The following LIMA1 variants were observed in gnomAD, a reference collection of about 807,000 sequenced individuals.
The protein encoded by LIMA1 is LIM domain and actin binding 1, also known as LIM domain and actin-binding protein 1.
Under a neutral mutation model 62.6 loss-of-function variants are expected in LIMA1, and 52 were observed. The ratio of observed to expected loss-of-function variants is 0.83; its 90% CI spans 0.67 to 1.05. The LOEUF is 1.05. Among genes scored for constraint, LIMA1 ranks in the 50% least tolerant of loss-of-function variants. The pLI is 0.00. For synonymous variants in LIMA1, 302 were observed against 317.8 expected (o/e 0.95, Z 0.53); for missense variants, 780 against 902.2 (o/e 0.86, Z 1.74).
chr12:50,210,135 A>C (rs1438089555), intron 4 of LIMA1, among the ~76,000 whole-genome samples: 1 of 152,152 alleles, frequency 6.6e-6, no homozygotes, highest in African/African-American at 2.4e-5. Flanking sequence ...TTGAAAAACC[A>C]AAAGGGGCCG....
At position 50,177,684 on chromosome 12, in the gene LIMA1, G is replaced by C. The variant is rs186777719; in HGVS notation, c.1660C>G (p.Pro554Ala). ...ALEEGIKMSK[P>A]KWPPEDEISK... ...ATTTCGTCTTCAGGAGGCCATTTGG[G>C]CTTTGACATTTTGATCCCTTCCTCC... Residue 554 changes from proline (P) to alanine (A), a missense_variant, in exon 11 of 11, where the codon CCC (proline) becomes GCC (alanine). Pro to Ala is a conservative substitution (Grantham distance 27). Transcript: ENST00000341247. The C allele has an allele frequency of 1.3e-5, 21 of 1,610,370 alleles. No individual in the cohort carries two copies. The highest frequency in any genetic ancestry group is 1.6e-5 in the Non-Finnish European group (19 of 1,178,594).
At chr12:50,210,431 A>AAAG (rs1941235436) in intron 4 of LIMA1, among the ~76,000 whole-genome samples, 1 of 151,644 alleles carries the variant, frequency 6.6e-6, no homozygotes. Flanking sequence ...AAAAAAAAAA[A>AAAG]AAAAGAAAAA....
intron 7 of LIMA1, among the ~76,000 whole-genome samples, chr12:50,197,924 C>T (rs965966924): frequency 7.9e-5 from 12 of 151,860 alleles, no homozygotes; most frequent in African/African-American, 2.7e-4. Flanking sequence ...AACAAGATAA[C>T]TCACTTAATA....
intron 2 of LIMA1, among the ~76,000 whole-genome samples, chr12:50,246,808 C>T (rs1941855959): frequency 6.6e-6 from 1 of 152,174 alleles, no homozygotes; most frequent in Non-Finnish European, 1.5e-5. Context: ...CTATCTTAGA[C>T]TCGACTCATT....
chr12:50,212,294 T>C (rs1941271500), intron 4 of LIMA1, among the ~76,000 whole-genome samples: 1 of 152,178 alleles, frequency 6.6e-6, no homozygotes. Context: ...TCCTTCAACC[T>C]TTCAACTTCA....
intron 2 of LIMA1, among the ~76,000 whole-genome samples, chr12:50,240,517 A>C (rs933658482): frequency 6.6e-6 from 1 of 152,178 alleles, no homozygotes; most frequent in Non-Finnish European, 1.5e-5. Flanking sequence ...ATATATTTCG[A>C]GAAAGAATCA....
intron 8 of LIMA1, among the ~76,000 whole-genome samples, chr12:50,194,063 C>T (rs1348858909): frequency 6.6e-6 from 1 of 151,100 alleles, no homozygotes; most frequent in East Asian, 1.9e-4. Context: ...TCTCAGCTCA[C>T]TGCAGCCTCC....
At chr12:50,265,460 C>T (rs1340201240) in intron 1 of LIMA1, among the ~76,000 whole-genome samples, 3 of 151,146 alleles carry the variant, frequency 2.0e-5, no homozygotes, top group Non-Finnish European at 4.4e-5. Flanking sequence ...GTGGAGGTTG[C>T]GGTGAGCCAA....
Position 50,183,127 on chromosome 12 carries a change from G to A in LIMA1, c.1141-1090C>T, listed in dbSNP as rs189890620. 1.4e-4 allele frequency among the ~76,000 whole-genome samples: 21 copies of A among 152,210 alleles called. No individual in the cohort carries two copies. In the East Asian group the frequency reaches 4.1e-3, roughly 29 times the overall value. ...TGAGGCAGGAGAATGGCGTGAACCCGGGAGGCAGAGCTTGTAGTGAGCCGA... is the reference window on the plus strand; with the variant it reads ...TGAGGCAGGAGAATGGCGTGAACCCAGGAGGCAGAGCTTGTAGTGAGCCGA... On this transcript the variant is annotated intron_variant, in intron 9 of 10. Transcript: ENST00000341247.
rs565915974 is a variant in LIMA1 at position 50,200,687 on chromosome 12, C to T, written c.972+90G>A. On this transcript the variant is annotated intron_variant, in intron 7 of 10. Coordinates refer to ENST00000341247, the MANE Select transcript of LIMA1 (RefSeq NM_016357.5). ...TGTTACCAAATTCCCAGACACTCTA[C>T]AGCCTAGAGTTAGAGTTGTTTCTAA... is the stretch of plus-strand genomic sequence containing the variant. 163 of 1,381,444 alleles carry T rather than the reference C, an allele frequency of 1.2e-4. 2 individuals carry two copies. The South Asian group carries it at 1.7e-3, about 15-fold the overall frequency. The allele number at this position is 1,381,444 out of a possible 1,614,324, so 85.6% of individuals were successfully genotyped here.
At chr12:50,263,679 A>C (rs1006608659) in intron 1 of LIMA1, among the ~76,000 whole-genome samples, 1 of 151,564 alleles carries the variant, frequency 6.6e-6, no homozygotes, top group African/African-American at 2.4e-5. Flanking sequence ...ACCGTTATAC[A>C]CTGCTGGTGG....
Position 50,177,593 on chromosome 12 carries a change from A to G in LIMA1, c.1751T>C (p.Leu584Pro). 1 of 1,611,392 alleles carries G rather than the reference A, an allele frequency of 6.2e-7. No individual in the cohort carries two copies. Among genetic ancestry groups the G allele is most frequent in the Non-Finnish European group, 8.5e-7 (1 of 1,178,876 alleles). Residue 584 changes from leucine (L) to proline (P), a missense_variant, in exon 11 of 11, where the codon CTG becomes CCG. By Grantham distance (98) the Leu-to-Pro change is moderately conservative. Transcript: ENST00000341247. Reference sequence around the variant, plus strand: ...AGTGAATGGGCGGCTTCTTTCCTTCAGTGAAGAAGATCGTCTTAGCTTCTT... The same window carrying G: ...AGTGAATGGGCGGCTTCTTTCCTTCGGTGAAGAAGATCGTCTTAGCTTCTT... ...DLKKLRRSSS[L>P]KERSRPFTVA...
intron 10 of LIMA1, among the ~76,000 whole-genome samples, chr12:50,180,090 C>T (rs957756147): frequency 5.3e-5 from 8 of 151,972 alleles, no homozygotes; most frequent in Non-Finnish European, 1.0e-4. Context: ...TGACTGAGGT[C>T]AGGAGTTCAA....
intron 7 of LIMA1, among the ~76,000 whole-genome samples, chr12:50,198,342 T>C (rs1940974061): frequency 6.6e-6 from 1 of 152,056 alleles, no homozygotes; most frequent in African/African-American, 2.4e-5. Context: ...AGCCAGAAGT[T>C]TGAGACCATT....
intron 9 of LIMA1, chr12:50,186,299 C>T (rs1940630151): frequency 6.6e-6 from 1 of 152,052 alleles, no homozygotes; most frequent in African/African-American, 2.4e-5. Context: ...TCCCCTTCTC[C>T]CACCATTTTG....
chr12:50,238,266 G>C (rs1941724231), intron 2 of LIMA1, among the ~76,000 whole-genome samples: 1 of 152,046 alleles, frequency 6.6e-6, no homozygotes, highest in Non-Finnish European at 1.5e-5. Flanking sequence ...CAGCACTTTG[G>C]GAGGCCAAGG....
At position 50,248,657 on chromosome 12, in the gene LIMA1, G is replaced by A. The variant is rs148884366; in HGVS notation, c.95C>T (p.Ser32Leu). 1.4e-5 allele frequency: 23 copies of A among 1,611,424 alleles called. No homozygotes were observed. Among genetic ancestry groups the A allele is most frequent in the Non-Finnish European group, 3.4e-6 (4 of 1,177,576 alleles). ...CTTGGAGAATATTTCCACAATAGCC[G>A]ATGACTTGTTCTTGTTGACAAGAGA... ...ELSLVNKNKSSAIVEIFSKYQ... is the reference protein window; with the variant it reads ...ELSLVNKNKSLAIVEIFSKYQ... The change falls in exon 2 of 11, where the codon TCG becomes TTG. Residue 32 changes from serine to leucine, a missense_variant. Coordinates refer to ENST00000341247, the MANE Select transcript of LIMA1 (RefSeq NM_016357.5).
intron 2 of LIMA1, among the ~76,000 whole-genome samples, chr12:50,243,929 T>C (rs185117704): frequency 6.6e-6 from 1 of 152,066 alleles, no homozygotes; most frequent in African/African-American, 2.4e-5. Flanking sequence ...CTTTTTTTTT[T>C]TCTGAGACGG....
At chr12:50,270,952 C>T (rs1354355629) in intron 1 of LIMA1, among the ~76,000 whole-genome samples, 1 of 151,890 alleles carries the variant, frequency 6.6e-6, no homozygotes, top group African/African-American at 2.4e-5. Context: ...ATTAGCCGGG[C>T]GTGGTGGCGG....
Sources: gnomAD v4.1 joint callset for allele counts (sites outside exome capture counted in the v4.1 genomes callset) on GRCh38, gnomAD v4.1.1 for gene constraint, MANE v1.5 for transcripts, NCBI Gene and HGNC (gene_info 2026-07-23, HGNC 2026-07-21) for gene names.